KCNQ3: variants seen among roughly 807,000 people sequenced by gnomAD.
The protein encoded by KCNQ3 is potassium voltage-gated channel subfamily KQT member 3.
In KCNQ3, 30 loss-of-function variants were observed where a neutral mutation model predicts 92.5. The ratio of observed to expected loss-of-function variants is 0.32; its 90% CI spans 0.24 to 0.44. The LOEUF is 0.44. KCNQ3 is among the 20% of genes least tolerant of loss of function. The probability of loss-of-function intolerance (pLI) is 1.00; values close to 1 mark genes in which losing one functional copy is unlikely to be tolerated. For missense variants in KCNQ3, 913 were observed against 1,140.3 expected, an observed-to-expected ratio of 0.80 and a Z score of 2.87; for synonymous variants, 450 against 468.8, an observed-to-expected ratio of 0.96 and a Z score of 0.52.
chr8:132,309,546 A>T (rs1433381747), intron 1 of KCNQ3, among the ~76,000 whole-genome samples: 1 of 152,180 alleles, frequency 6.6e-6, no homozygotes, highest in East Asian at 1.9e-4. Flanking sequence ...AACACCCTGG[A>T]CTACATCCAT....
At chr8:132,297,075 C>A (rs1276387596) in intron 1 of KCNQ3, among the ~76,000 whole-genome samples, 6 of 152,238 alleles carry the variant, frequency 3.9e-5, no homozygotes, top group Non-Finnish European at 7.4e-5. Flanking sequence ...TTTTAATGAT[C>A]ACCATTCTAA....
chr8:132,340,006 T>C (rs1226293895), intron 1 of KCNQ3, among the ~76,000 whole-genome samples: 2 of 150,208 alleles, frequency 1.3e-5, no homozygotes, highest in African/African-American at 2.4e-5. Flanking sequence ...GTTTCATCCA[T>C]GCAGCTGAAG....
chr8:132,470,354 A>G (rs762873290), intron 1 of KCNQ3, among the ~76,000 whole-genome samples: 9 of 152,246 alleles, frequency 5.9e-5, no homozygotes, highest in Non-Finnish European at 1.2e-4. Context: ...AGTTAAAGGA[A>G]TAATATAACA....
At chr8:132,190,299 C>A (rs1440432728) in intron 1 of KCNQ3, among the ~76,000 whole-genome samples, 1 of 152,118 alleles carries the variant, frequency 6.6e-6, no homozygotes, top group African/African-American at 2.4e-5. Context: ...GCAAGCAGAA[C>A]CTGTGACTTG....
chr8:132,460,156 G>T (rs1822030804), intron 1 of KCNQ3, among the ~76,000 whole-genome samples: 1 of 151,904 alleles, frequency 6.6e-6, no homozygotes, highest in Non-Finnish European at 1.5e-5. Context: ...ATTTATTCAG[G>T]GATCCCTGTA....
chr8:132,140,041 G>A (rs761643700), intron 11 of KCNQ3, 35 bp downstream of exon 11: 2 of 1,390,862 alleles, frequency 1.4e-6, no homozygotes, highest in South Asian at 1.3e-5. Flanking sequence ...AGCGGGGGAG[G>A]CACACAGGCA....
chr8:132,156,362 G>A (rs1563777080), intron 9 of KCNQ3, among the ~76,000 whole-genome samples: 1 of 152,020 alleles, frequency 6.6e-6, no homozygotes, highest in Non-Finnish European at 1.5e-5. Flanking sequence ...CTAATTACAA[G>A]GGAAGCCAGG....
At chr8:132,201,030 T>C (rs540346680) in intron 1 of KCNQ3, among the ~76,000 whole-genome samples, 159 of 152,292 alleles carry the variant, frequency 1.0e-3, no homozygotes, top group African/African-American at 2.0e-3. Flanking sequence ...AGGTACCACA[T>C]AGCTAGAGAG....
intron 1 of KCNQ3, among the ~76,000 whole-genome samples, chr8:132,265,205 A>G (rs983692975): frequency 6.6e-6 from 1 of 152,250 alleles, no homozygotes; most frequent in Non-Finnish European, 1.5e-5. Flanking sequence ...GCTAATTTCA[A>G]CTGGGCCTGG....
At chr8:132,454,628 C>G (rs1239245278) in intron 1 of KCNQ3, among the ~76,000 whole-genome samples, 1 of 152,124 alleles carries the variant, frequency 6.6e-6, no homozygotes, top group South Asian at 2.1e-4. Flanking sequence ...GCCTGATACC[C>G]ACACTGTCCT....
In KCNQ3 at chr8:132,146,188, G is replaced by A. The variant is rs1825441722; in HGVS notation, c.1263-4857C>T. Among the ~76,000 whole-genome samples the A allele has an allele frequency of 1.3e-5, 2 of 152,234 alleles. 1 individual carries two copies. Among genetic ancestry groups the A allele is most frequent in the South Asian group, 4.1e-4 (2 of 4,830 alleles). On this transcript the variant is annotated intron_variant, in intron 9 of 14. Transcript: ENST00000388996. ...TTTGCATTTTAAAAAACACATACCT[G>A]TTCATTGCAGCATTATTCACAACAG...
At chr8:132,145,178 T>C (rs1010339171) in intron 9 of KCNQ3, among the ~76,000 whole-genome samples, 1 of 152,212 alleles carries the variant, frequency 6.6e-6, no homozygotes, top group South Asian at 2.1e-4. Flanking sequence ...ATATCAATAG[T>C]GCTGAGGTTG....
intron 1 of KCNQ3, among the ~76,000 whole-genome samples, chr8:132,402,169 C>G (rs2673600): frequency 0.78 from 118,453 of 152,068 alleles, 46,526 homozygotes; most frequent in South Asian, 0.91. Context: ...CGTGTGTGGG[C>G]ACTGTGAGGG....
At chr8:132,278,810 T>C (rs1816420638) in intron 1 of KCNQ3, among the ~76,000 whole-genome samples, 1 of 152,152 alleles carries the variant, frequency 6.6e-6, no homozygotes, top group African/African-American at 2.4e-5. Flanking sequence ...AATTAGCCCC[T>C]CCTTAAGAAT....
intron 1 of KCNQ3, among the ~76,000 whole-genome samples, chr8:132,453,825 C>T (rs781582542): frequency 2.6e-5 from 4 of 152,172 alleles, no homozygotes; most frequent in Non-Finnish European, 4.4e-5. Flanking sequence ...AACTAGAAGA[C>T]GAAAGCTTCT....
chr8:132,400,405 A>G (rs911565895), intron 1 of KCNQ3, among the ~76,000 whole-genome samples: 1 of 152,192 alleles, frequency 6.6e-6, no homozygotes, highest in Non-Finnish European at 1.5e-5. Context: ...CAATAACCTA[A>G]ATGAAAGTGA....
At chr8:132,292,906 G>A (rs1816899491) in intron 1 of KCNQ3, among the ~76,000 whole-genome samples, 1 of 152,160 alleles carries the variant, frequency 6.6e-6, no homozygotes, top group African/African-American at 2.4e-5. Context: ...GCTAAACAGA[G>A]AGGCCAAGAA....
chr8:132,329,330 G>A (rs1818162524), intron 1 of KCNQ3, among the ~76,000 whole-genome samples: 1 of 152,154 alleles, frequency 6.6e-6, no homozygotes, highest in Admixed American at 6.5e-5. Context: ...TGCAACCCAG[G>A]TAACGAGGTG....
At chr8:132,372,796 G>GAGCCC (rs575268733) in intron 1 of KCNQ3, among the ~76,000 whole-genome samples, 139 of 145,384 alleles carry the variant, frequency 9.6e-4, no homozygotes, top group African/African-American at 2.9e-3. Flanking sequence ...GCTTAGAGCA[G>GAGCCC]AGCCCAGCAG....
Sources: gnomAD v4.1 joint callset for allele counts (sites outside exome capture counted in the v4.1 genomes callset) on GRCh38, gnomAD v4.1.1 for gene constraint, MANE v1.5 for transcripts, NCBI Gene and HGNC (gene_info 2026-07-23, HGNC 2026-07-21) for gene names.